Variants in NRP1 observed in about 807,000 individuals in gnomAD.
NRP1 encodes neuropilin 1.
A neutral mutation model predicts 106.7 loss-of-function variants in NRP1; 35 were observed. The ratio of observed to expected loss-of-function variants is 0.33; its 90% CI spans 0.25 to 0.43. The LOEUF is 0.43. NRP1 is among the 20% of genes least tolerant of loss of function. NRP1 has a pLI of 1.00. For synonymous variants in NRP1, 437 were observed against 417.9 expected (o/e 1.05, Z -0.56); for missense variants, 1,024 against 1,170.4 (o/e 0.87, Z 1.83).
chr10:33,218,342 C>CTT (rs776116595), intron 8 of NRP1, among the ~76,000 whole-genome samples: 13 of 75,596 alleles, frequency 1.7e-4, no homozygotes, highest in African/African-American at 4.6e-4. Context: ...TTTTTTCTTT[C>CTT]TTTTTTTTTT....
Position 33,309,154 on chromosome 10 carries a change from T to C in NRP1, c.248+21554A>G, listed in dbSNP as rs543174254. ...GTTTTGGGGCACTTGTGCTGCCACT[T>C]TTTCCTCTTGCCCACACTGAACACT... On this transcript the variant is annotated intron_variant, in intron 2 of 16. Coordinates refer to ENST00000374867, the MANE Select transcript of NRP1 (RefSeq NM_003873.7). 5.3e-5 allele frequency among the ~76,000 whole-genome samples: 8 copies of C among 152,344 alleles called. No homozygotes were observed. In the East Asian group the frequency reaches 7.7e-4, roughly 15 times the overall value.
chr10:33,334,446 A>C lies in NRP1; in HGVS notation c.-64T>G. On this transcript the variant is annotated 5_prime_UTR_variant, in exon 1 of 17. Transcript: ENST00000374867. Reference sequence around the variant, plus strand: ...GAGGACGTGGGGGGAAATGCAGCAAAGAGGAGAATCTAAGCGATCCGAAGA... The same window carrying C: ...GAGGACGTGGGGGGAAATGCAGCAACGAGGAGAATCTAAGCGATCCGAAGA... 7.0e-7 allele frequency: 1 copy of C among 1,421,270 alleles called. No homozygotes were observed. Among genetic ancestry groups the C allele is most frequent in the South Asian group, 1.2e-5 (1 of 81,576 alleles). 88.0% of individuals were successfully genotyped at this position (1,421,270 alleles called of 1,614,324 possible).
At chr10:33,304,798 C>A (rs553014439) in intron 2 of NRP1, among the ~76,000 whole-genome samples, 2 of 152,324 alleles carry the variant, frequency 1.3e-5, no homozygotes, top group Non-Finnish European at 2.9e-5. Context: ...ATCTGGCCAC[C>A]CCTTGAAAGC....
At position 33,254,342 on chromosome 10, in the gene NRP1, T is replaced by C. The variant is rs1588854957; in HGVS notation, c.815-148A>G. On this transcript the variant is annotated intron_variant, in intron 5 of 16. Coordinates refer to ENST00000374867, the MANE Select transcript of NRP1 (RefSeq NM_003873.7). The stretch of plus-strand genomic sequence containing the variant: ...GGGACTTATTGGAATATAGCACTGA[T>C]ACTTGGATTTTCATGGCAATATTTA... 4 of 611,052 alleles carry C rather than the reference T, an allele frequency of 6.5e-6. 1 individual carries two copies. The Middle Eastern group carries it at 1.8e-3, about 275-fold the overall frequency. 37.9% of individuals were successfully genotyped at this position (611,052 alleles called of 1,614,324 possible).
intron 6 of NRP1, among the ~76,000 whole-genome samples, chr10:33,239,608 G>T (rs1185662677): frequency 6.6e-6 from 1 of 152,156 alleles, no homozygotes; most frequent in Non-Finnish European, 1.5e-5. Context: ...ACTAGAGTCT[G>T]CTAACTGATG....
intron 4 of NRP1, among the ~76,000 whole-genome samples, chr10:33,261,075 G>A (rs1478394412): frequency 6.7e-6 from 1 of 150,238 alleles, no homozygotes; most frequent in Non-Finnish European, 1.5e-5. Context: ...CAGGCTGAAT[G>A]AGGCCAGGTA....
At chr10:33,281,127 G>A (rs1346241944) in intron 2 of NRP1, among the ~76,000 whole-genome samples, 1 of 150,612 alleles carries the variant, frequency 6.6e-6, no homozygotes, top group African/African-American at 2.4e-5. Flanking sequence ...TTGGCTTACT[G>A]CAACCTCTGC....
chr10:33,228,141 T>TAA (rs35368401), intron 6 of NRP1, among the ~76,000 whole-genome samples: 91 of 151,804 alleles, frequency 6.0e-4, no homozygotes, highest in Non-Finnish European at 1.2e-3. Context: ...AACACAAGCT[T>TAA]AAAAAAAAGT....
chr10:33,231,340 G>A (rs3904032), intron 6 of NRP1, among the ~76,000 whole-genome samples: 19,565 of 152,160 alleles, frequency 0.13, 1,659 homozygotes, highest in East Asian at 0.51. Context: ...AAAGATGATA[G>A]AAGAAAATTA....
intron 2 of NRP1, among the ~76,000 whole-genome samples, chr10:33,286,340 G>A (rs1047243842): frequency 6.6e-6 from 1 of 152,186 alleles, no homozygotes; most frequent in African/African-American, 2.4e-5. Flanking sequence ...CAGAGGGAAG[G>A]ATGGATGACT....
intron 6 of NRP1, among the ~76,000 whole-genome samples, chr10:33,239,601 A>G (rs547147028): frequency 2.0e-5 from 3 of 152,342 alleles, no homozygotes; most frequent in South Asian, 2.1e-4. Context: ...ACTTAAAACT[A>G]GAGTCTGCTA....
chr10:33,254,531 T>A (rs1842072930), intron 5 of NRP1, among the ~76,000 whole-genome samples: 1 of 152,208 alleles, frequency 6.6e-6, no homozygotes, highest in South Asian at 2.1e-4. Flanking sequence ...GTCATATGGG[T>A]ACACACAAAA....
Position 33,213,371 on chromosome 10 carries a change from G to C in NRP1, c.1614+15C>G, listed in dbSNP as rs1838471381. 1.9e-6 allele frequency: 3 copies of C among 1,614,006 alleles called. No homozygotes were observed. The highest frequency in any genetic ancestry group is 1.7e-6 in the Non-Finnish European group (2 of 1,180,016). ...GGACATAAGGGATGACCTCCTCCCA[G>C]TCCCCAGCCCTCACCTTCGCCTTGC... On this transcript the variant is annotated intron_variant, in intron 9 of 16. Coordinates refer to ENST00000374867, the MANE Select transcript of NRP1 (RefSeq NM_003873.7).
intron 4 of NRP1, among the ~76,000 whole-genome samples, chr10:33,258,680 C>CTGA (rs1842366052): frequency 6.6e-6 from 1 of 152,192 alleles, no homozygotes; most frequent in Non-Finnish European, 1.5e-5. Flanking sequence ...TCTGATTCTT[C>CTGA]TACAGGTAGT....
chr10:33,304,380 G>A (rs1432772783), intron 2 of NRP1, among the ~76,000 whole-genome samples: 1 of 152,156 alleles, frequency 6.6e-6, no homozygotes, highest in African/African-American at 2.4e-5. Context: ...ACCTCGGAGA[G>A]TTTTGCTTTC....
chr10:33,280,684 T>C (rs1264503732), intron 2 of NRP1, among the ~76,000 whole-genome samples: 1 of 152,134 alleles, frequency 6.6e-6, no homozygotes, highest in East Asian at 1.9e-4. Context: ...GTTTTTTCCC[T>C]ATAAAGAATA....
intron 2 of NRP1, among the ~76,000 whole-genome samples, chr10:33,318,058 A>G (rs576607650): frequency 4.6e-5 from 7 of 152,320 alleles, no homozygotes; most frequent in East Asian, 1.9e-4. Flanking sequence ...ATAAATATGT[A>G]TGTGTCTCTT....
At chr10:33,209,341 A>G (rs1830124102) in intron 9 of NRP1, among the ~76,000 whole-genome samples, 3 of 152,268 alleles carry the variant, frequency 2.0e-5, no homozygotes, top group African/African-American at 7.2e-5. Flanking sequence ...AGAGTAGTCA[A>G]ATCACTTGCC....
intron 4 of NRP1, among the ~76,000 whole-genome samples, chr10:33,261,978 C>T (rs1842605967): frequency 6.6e-6 from 1 of 152,196 alleles, no homozygotes; most frequent in African/African-American, 2.4e-5. Flanking sequence ...TCAGGTGATC[C>T]ACCTGCCTTG....
Sources: allele counts gnomAD v4.1 joint callset (sites outside exome capture counted in the v4.1 genomes callset), GRCh38; gene constraint gnomAD v4.1.1; transcripts MANE v1.5; gene names NCBI Gene and HGNC (gene_info 2026-07-23, HGNC 2026-07-21).